PTK2: variants seen among roughly 807,000 people sequenced by gnomAD.
PTK2 encodes focal adhesion kinase 1.
Under a neutral mutation model 150.1 loss-of-function variants are expected in PTK2, and 45 were observed. That is an observed-to-expected ratio of 0.30 (90% CI 0.24 to 0.38). PTK2 has a LOEUF of 0.38. Ranked by LOEUF, PTK2 falls within the 10% of genes least tolerant of loss-of-function variation. PTK2 has a pLI of 1.00. For synonymous variants in PTK2, 432 were observed against 449.2 expected, an observed-to-expected ratio of 0.96 and a Z score of 0.48; for missense variants, 919 against 1,307.3, an observed-to-expected ratio of 0.70 and a Z score of 4.58.
intron 23 of PTK2, among the ~76,000 whole-genome samples, chr8:140,716,903 A>G (rs1246653374): frequency 2.6e-5 from 4 of 152,200 alleles, no homozygotes; most frequent in Admixed American, 6.5e-5. Flanking sequence ...ATGGTATATA[A>G]AGACTTATTA....
intron 3 of PTK2, among the ~76,000 whole-genome samples, chr8:140,890,105 A>G (rs2100153717): frequency 6.6e-6 from 1 of 152,184 alleles, no homozygotes; most frequent in Admixed American, 6.5e-5. Context: ...AGAACCTAGC[A>G]CAGTGCCTGA....
In PTK2 at chr8:140,752,332, T is replaced by G. The variant is rs769056486; in HGVS notation, c.1333-16A>C. The G allele has an allele frequency of 4.4e-6, 7 of 1,607,552 alleles. No individual in the cohort carries two copies. In the Admixed American group the frequency reaches 5.0e-5, roughly 12 times the overall value. ...CTGGATTCTCCTGTGTTAGGGAAAT[T>G]ATAGAATCACACACACATGCAAAAA... On this transcript the variant is annotated splice_polypyrimidine_tract_variant and intron_variant, in intron 16 of 31. Transcript: ENST00000522684.
At chr8:140,861,241 CAGGAGGCTG>C (rs577949679) in intron 5 of PTK2, among the ~76,000 whole-genome samples, 354 of 152,114 alleles carry the variant, frequency 2.3e-3, no homozygotes, top group Non-Finnish European at 3.8e-3. Flanking sequence ...CCCAACTACT[CAGGAGGCTG>C]AGGCAGGGCG....
intron 31 of PTK2, chr8:140,660,729 C>A: frequency 2.4e-6 from 1 of 415,144 alleles, no homozygotes; most frequent in Non-Finnish European, 4.9e-6. Flanking sequence ...ATTATGTACG[C>A]CCCTCCCCCC....
At chr8:140,786,791 T>C (rs1243607973) in intron 14 of PTK2, among the ~76,000 whole-genome samples, 1 of 152,124 alleles carries the variant, frequency 6.6e-6, no homozygotes, top group East Asian at 1.9e-4. Flanking sequence ...TTGCTTGGAT[T>C]TGTAAATCAC....
chr8:140,744,871 A>G (rs1429295139), intron 18 of PTK2, 104 bp from the exon 22 acceptor site: 2 of 548,842 alleles, frequency 3.6e-6, no homozygotes, highest in African/African-American at 3.7e-5. Context: ...GCTGTTTTCA[A>G]TGCATTTTTA....
chr8:141,001,828 A>G (rs1361193957), upstream of PTK2, among the ~76,000 whole-genome samples: 1 of 152,180 alleles, frequency 6.6e-6, no homozygotes, highest in Non-Finnish European at 1.5e-5. Flanking sequence ...CCCTTTTTGC[A>G]GACAAGGAAA....
chr8:140,799,400 CT>C (rs559810687), intron 12 of PTK2: 2,292 of 152,448 alleles, frequency 0.015, 25 homozygotes, highest in Non-Finnish European at 0.023. Flanking sequence ...CACTTCAGGA[CT>C]TTTTTTCCTC....
At chr8:140,861,463 TG>T (rs1165796703) in intron 5 of PTK2, among the ~76,000 whole-genome samples, 2 of 149,414 alleles carry the variant, frequency 1.3e-5, no homozygotes, top group Admixed American at 1.3e-4. Flanking sequence ...CAGCAAAGAG[TG>T]GGGTGGAGGA....
chr8:140,734,053 G>T (rs1005918609), intron 22 of PTK2, among the ~76,000 whole-genome samples: 2 of 152,164 alleles, frequency 1.3e-5, no homozygotes, highest in African/African-American at 4.8e-5. Context: ...CTACCTATAG[G>T]TCTTAATTCT....
At chr8:140,659,743 G>C in intron 31 of PTK2, 65 bp from the exon 36 acceptor site, 2 of 1,434,488 alleles carry the variant, frequency 1.4e-6, no homozygotes, top group Non-Finnish European at 1.9e-6. Context: ...TTTTTAGAGA[G>C]ATGTTCTTAC....
chr8:140,929,330 A>G (rs904823239), intron 1 of PTK2, among the ~76,000 whole-genome samples: 3 of 152,182 alleles, frequency 2.0e-5, no homozygotes, highest in Admixed American at 1.3e-4. Flanking sequence ...ATATTTTACA[A>G]CAAATCTGCA....
At chr8:140,743,402 C>T (rs535817965) in intron 19 of PTK2, 72 bp from the exon 23 acceptor site, 38 of 1,209,464 alleles carry the variant, frequency 3.1e-5, no homozygotes, top group Non-Finnish European at 4.0e-5. Flanking sequence ...TATATAAAGA[C>T]ATACCAATAG....
chr8:140,694,836 A>G (rs1333112337), intron 26 of PTK2, among the ~76,000 whole-genome samples: 1 of 152,248 alleles, frequency 6.6e-6, no homozygotes, highest in East Asian at 1.9e-4. Context: ...ACGTGTGCTC[A>G]TAACCAGAGA....
chr8:140,962,916 C>CT (rs2100183878), intron 1 of PTK2, among the ~76,000 whole-genome samples: 1 of 151,904 alleles, frequency 6.6e-6, no homozygotes, highest in Admixed American at 6.6e-5. Flanking sequence ...TCTGCTTGCC[C>CT]TTTAAGTGCT....
At chr8:140,991,082 C>A (rs941535639) in intron 1 of PTK2, among the ~76,000 whole-genome samples, 1 of 152,162 alleles carries the variant, frequency 6.6e-6, no homozygotes, top group Non-Finnish European at 1.5e-5. Flanking sequence ...CAGATTTAAG[C>A]GACATCACCA....
chr8:140,910,699 A>G (rs1205040312), intron 2 of PTK2, among the ~76,000 whole-genome samples: 1 of 152,188 alleles, frequency 6.6e-6, no homozygotes, highest in African/African-American at 2.4e-5. Context: ...CTGAAAGAAC[A>G]TCATGAAATC....
chr8:140,727,137 T>C (rs2100046339), intron 22 of PTK2, among the ~76,000 whole-genome samples: 1 of 151,540 alleles, frequency 6.6e-6, no homozygotes, highest in Non-Finnish European at 1.5e-5. Flanking sequence ...GAAAGAGAGG[T>C]GGATGTTAAG....
At position 140,793,343 on chromosome 8, in the gene PTK2, G is replaced by A. The variant is rs770981815; in HGVS notation, c.1124+11C>T. Reference sequence around the variant, plus strand: ...AAAACAAAATAACAGTACAAAAAAAGCAGTACTTACTTTGGTATTGATGGC... The same window carrying A: ...AAAACAAAATAACAGTACAAAAAAAACAGTACTTACTTTGGTATTGATGGC... On this transcript the variant is annotated intron_variant, in intron 13 of 31. Transcript: ENST00000522684. The A allele has an allele frequency of 5.2e-5, 83 of 1,604,618 alleles. 1 individual carries two copies. In the South Asian group the frequency reaches 8.4e-4, roughly 16 times the overall value.
Sources: gnomAD v4.1 joint callset for allele counts (sites outside exome capture counted in the v4.1 genomes callset) on GRCh38, gnomAD v4.1.1 for gene constraint, MANE v1.5 for transcripts, NCBI Gene and HGNC (gene_info 2026-07-23, HGNC 2026-07-21) for gene names.